Variants in IPO4 observed in about 807,000 individuals in gnomAD.
The protein encoded by IPO4 is importin-4.
Under a neutral mutation model 133.5 loss-of-function variants are expected in IPO4, and 91 were observed. The observed-to-expected ratio is 0.68, with a 90% CI of 0.58 to 0.81. The LOEUF (loss-of-function observed/expected upper bound fraction) is 0.81. Ranked by LOEUF, IPO4 falls within the 30% of genes least tolerant of loss-of-function variation. The pLI is 0.00. For missense variants in IPO4, 1,279 were observed against 1,386.2 expected, an observed-to-expected ratio of 0.92 and a Z score of 1.23; for synonymous variants, 607 against 581.6, an observed-to-expected ratio of 1.04 and a Z score of -0.63.
At position 24,183,161 on chromosome 14, in the gene IPO4, C is replaced by T. The variant is rs767332861; in HGVS notation, c.2236G>A (p.Ala746Thr). Residue 746 changes from alanine to threonine, a missense_variant, in exon 23 of 30, where the codon GCT (alanine) becomes ACT (threonine). Ala to Thr is a moderately conservative substitution (Grantham distance 58). Coordinates refer to ENST00000354464, the MANE Select transcript of IPO4 (RefSeq NM_024658.4). ...GATGGCACGACTCGGGCCAGGGCAG[C>T]CTGCAAAGCTGGGGACATTATTGGC... ...PSEPNTAALQ[A>T]ALARVVPSYM... 3.7e-6 allele frequency: 6 copies of T among 1,611,796 alleles called. No homozygotes were observed. The highest frequency in any genetic ancestry group is 5.1e-6 in the Non-Finnish European group (6 of 1,178,416).
rs199744643 is a variant in IPO4 at position 24,181,695 on chromosome 14, T to A, written c.2940+16A>T. The A allele has an allele frequency of 6.2e-7, 1 of 1,608,346 alleles. No individual in the cohort carries two copies. The highest frequency in any genetic ancestry group is 8.5e-7 in the Non-Finnish European group (1 of 1,176,388). On this transcript the variant is annotated intron_variant, in intron 27 of 29. Coordinates refer to ENST00000354464, the MANE Select transcript of IPO4 (RefSeq NM_024658.4). The stretch of plus-strand genomic sequence containing the variant: ...TCCTCAGCTTCCAAGCCCTGCCTGA[T>A]GTCTCCCTCCCTCACCTGGGGCTCT...
chr14:24,185,630 T>C, intron 12 of IPO4, 63 bp from the exon 13 acceptor site: 6 of 1,438,940 alleles, frequency 4.2e-6, no homozygotes, highest in South Asian at 1.2e-5. Flanking sequence ...TAGGCTGACC[T>C]GTTCTCTTCA....
In IPO4 at chr14:24,185,265, G is replaced by A. The variant is rs201837383; in HGVS notation, c.1326C>T (p.Ala442=). 3.3e-5 allele frequency: 53 copies of A among 1,614,176 alleles called. No individual in the cohort carries two copies. Among genetic ancestry groups the A allele is most frequent in the African/African-American group, 1.3e-4 (10 of 75,066 alleles). ...YSREVMPLLL[A]YLKSVPLGHT... The stretch of plus-strand genomic sequence containing the variant: ...GTCCAAGAGGCACCGACTTCAAGTA[G>A]GCGAGGAGCAGTGGCATTACCTCCC... The change falls in exon 14 of 30, where the codon GCC becomes GCT. Residue 442 remains alanine, a synonymous_variant. Transcript: ENST00000354464.
chr14:24,188,200 G>A lies in IPO4; in HGVS notation c.278+16C>T. 3 of 1,611,612 alleles carry A rather than the reference G, an allele frequency of 1.9e-6. No individual in the cohort carries two copies. The highest frequency in any genetic ancestry group is 2.5e-6 in the Non-Finnish European group (3 of 1,178,618). ...CAAAGTCGTCAAGATCCCGAGAGAAGTGGGTAGGTACTTACTCTGTTTCTC... is the reference window on the plus strand; with the variant it reads ...CAAAGTCGTCAAGATCCCGAGAGAAATGGGTAGGTACTTACTCTGTTTCTC... On this transcript the variant is annotated intron_variant, in intron 4 of 29. Coordinates refer to ENST00000354464, the MANE Select transcript of IPO4 (RefSeq NM_024658.4).
Position 24,185,929 on chromosome 14 carries a change from G to C in IPO4, c.1101C>G (p.Tyr367Ter), listed in dbSNP as rs1389277018. The change falls in exon 12 of 30, where the codon TAC becomes TAG. Residue 367 changes from tyrosine (Y) to a stop codon, truncating the protein, a stop_gained. Transcript: ENST00000354464. LOFTEE classifies it high-confidence loss of function. ...LEEALRSESPYQRKAGLLVLA... is the reference protein window; with the variant it reads ...LEEALRSESP ...GCACCAGGAGTCCAGCTTTGCGCTG[G>C]TATGGGCTCTCGCTCCGCAAAGCCT... 3 of 1,614,000 alleles carry C rather than the reference G, an allele frequency of 1.9e-6. No individual in the cohort carries two copies. The highest frequency in any genetic ancestry group is 2.7e-5 in the African/African-American group (2 of 74,932).
In IPO4 at chr14:24,184,280, G is replaced by A. The variant is rs2039185340; in HGVS notation, c.1757+18C>T. ...AGGGGAGGGGACAAGGGCAGAGGCAGGGTGAGGGGTCACTCACGTGCAGCG... is the reference window on the plus strand; with the variant it reads ...AGGGGAGGGGACAAGGGCAGAGGCAAGGTGAGGGGTCACTCACGTGCAGCG... On this transcript the variant is annotated intron_variant, in intron 17 of 29. Coordinates refer to ENST00000354464, the MANE Select transcript of IPO4 (RefSeq NM_024658.4). 6.3e-7 allele frequency: 1 copy of A among 1,578,416 alleles called. No individual in the cohort carries two copies. The highest frequency in any genetic ancestry group is 8.6e-7 in the Non-Finnish European group (1 of 1,162,098).
chr14:24,187,789 C>T lies in IPO4; in HGVS notation c.286G>A (p.Val96Met). 2 of 1,614,142 alleles carry T rather than the reference C, an allele frequency of 1.2e-6. No homozygotes were observed. The highest frequency in any genetic ancestry group is 2.2e-5 in the South Asian group (2 of 91,082). Residue 96 changes from valine (V) to methionine (M), a missense_variant, in exon 5 of 30, where the codon GTG (valine) becomes ATG (methionine). Physicochemically the swap from Val to Met is conservative, Grantham distance 21. Coordinates refer to ENST00000354464, the MANE Select transcript of IPO4 (RefSeq NM_024658.4). ...GAGAGCTGGGCCAGGCTGAGGCTCA[C>T]ACAGTGCCTGCAAACAGGAGAGATC... Reference protein sequence around the residue: ...TALQRETEHCVSLSLAQLSAT... With the variant: ...TALQRETEHCMSLSLAQLSAT...
chr14:24,180,472 C>T lies in IPO4; in HGVS notation c.3216G>A (p.Gln1072=), dbSNP rs1020317051. 6.2e-7 allele frequency: 1 copy of T among 1,613,432 alleles called. No individual in the cohort carries two copies. Among genetic ancestry groups the T allele is most frequent in the Middle Eastern group, 1.7e-4 (1 of 6,056 alleles). ...AGAGGCCCAGTACAGCCTGGAGCTC[C>T]TGAGCCTTGTCAACAGGCAGTGAGC... ...ALGSLPVDKA[Q]ELQAVLGLS Residue 1072 remains glutamine, a synonymous_variant, in exon 30 of 30, where the codon CAG becomes CAA. Transcript: ENST00000354464.
rs1330871906 is a variant in IPO4 at position 24,182,789 on chromosome 14, C to G, written c.2472+3G>C. 1 of 1,614,182 alleles carries G rather than the reference C, an allele frequency of 6.2e-7. No individual in the cohort carries two copies. The highest frequency in any genetic ancestry group is 1.7e-5 in the Admixed American group (1 of 60,030). ...GGTCCCCGTTTTTATCCCTGGCTCT[C>G]ACCTGATCATCATCTTCCTCTTCCT... On this transcript the variant is annotated splice_donor_region_variant and intron_variant, in intron 24 of 29. Coordinates refer to ENST00000354464, the MANE Select transcript of IPO4 (RefSeq NM_024658.4).
At position 24,184,870 on chromosome 14, in the gene IPO4, T is replaced by G. The variant is rs1295491725; in HGVS notation, c.1519A>C (p.Ile507Leu). 1 of 1,613,730 alleles carries G rather than the reference T, an allele frequency of 6.2e-7. No homozygotes were observed. Among genetic ancestry groups the G allele is most frequent in the African/African-American group, 1.3e-5 (1 of 75,040 alleles). ...TGCCTCCTGCCTCTCTCCTCACCAATGGCTCCCAGGGCGCTCACAGCCAGC... is the reference window on the plus strand; with the variant it reads ...TGCCTCCTGCCTCTCTCCTCACCAAGGGCTCCCAGGGCGCTCACAGCCAGC... ...KELAVSALGA[I>L]ATAAQASLLP... is the part of the protein sequence containing the mutation. The change falls in exon 15 of 30, where the codon ATT (isoleucine) becomes CTT (leucine). Residue 507 changes from isoleucine to leucine, a missense_variant. Ile to Leu is a conservative substitution (Grantham distance 5, BLOSUM62 2). Around this residue, in one of 3 missense-constraint regions of IPO4, gnomAD observed 695 missense variants for 704.1 expected, o/e 0.99. Coordinates refer to ENST00000354464, the MANE Select transcript of IPO4 (RefSeq NM_024658.4).
intron 4 of IPO4, 73 bp downstream of exon 4, chr14:24,188,143 C>G: frequency 6.7e-7 from 1 of 1,491,888 alleles, no homozygotes; most frequent in Non-Finnish European, 9.2e-7. Context: ...CAAGTCCCAG[C>G]CTGGAGCCGA....
rs745749457 is a variant in IPO4 at position 24,185,554 on chromosome 14, G to T, written c.1183C>A (p.Leu395Met). 4.3e-6 allele frequency: 7 copies of T among 1,613,928 alleles called. No individual in the cohort carries two copies. The Admixed American group carries it at 1.0e-4, about 23-fold the overall frequency. ...AGGCCCTTGCACACAATCTGCAGCA[G>T]TGGGGGCAGCAGTCTGGATGGGGCA... ...DHIRQRLLPP[L>M]LQIVCKGLED... The change falls in exon 13 of 30, where the codon CTG becomes ATG. Residue 395 changes from leucine (L) to methionine (M), a missense_variant. Leu to Met is a conservative substitution (Grantham distance 15). Transcript: ENST00000354464.
chr14:24,185,665 TTCC>T, intron 12 of IPO4, 98 bp from the exon 13 acceptor site: 1 of 1,199,700 alleles, frequency 8.3e-7, no homozygotes, highest in Non-Finnish European at 1.2e-6. Context: ...ACCAAGGCTT[TTCC>T]TGTCACCAGA....
intron 23 of IPO4, 28 bp from the exon 24 acceptor site, chr14:24,182,870 G>A (rs1395417062): frequency 6.2e-7 from 1 of 1,610,842 alleles, no homozygotes. Context: ...ACTTAGCGGA[G>A]CTTTCACGCC....
Position 24,185,189 on chromosome 14 carries a change from T to C in IPO4, c.1402A>G (p.Asn468Asp). The change falls in exon 14 of 30, where the codon AAC becomes GAC. Residue 468 changes from asparagine (N) to aspartate (D), a missense_variant. By Grantham distance (23) the Asn-to-Asp change is conservative (BLOSUM62 1). Coordinates refer to ENST00000354464, the MANE Select transcript of IPO4 (RefSeq NM_024658.4). ...ACYALENFVE[N>D]LGPKVQPYLP... Reference sequence around the variant, plus strand: ...TCCCCACTGCCATCACTACCTAGGTTCTCCACAAAATTCTCCAGGGCATAG... The same window carrying C: ...TCCCCACTGCCATCACTACCTAGGTCCTCCACAAAATTCTCCAGGGCATAG... 1 of 1,613,870 alleles carries C rather than the reference T, an allele frequency of 6.2e-7. No homozygotes were observed. Among genetic ancestry groups the C allele is most frequent in the Non-Finnish European group, 8.5e-7 (1 of 1,179,942 alleles).
chr14:24,186,040 C>T, intron 11 of IPO4, 70 bp from the exon 12 acceptor site: 1 of 1,596,252 alleles, frequency 6.3e-7, no homozygotes, highest in Non-Finnish European at 8.6e-7. Context: ...AATAGGCCTT[C>T]ACACCTCCCA....
At position 24,180,276 on chromosome 14, in the gene IPO4, G is replaced by A. The variant is rs749801587; in HGVS notation, c.*166C>T. The stretch of plus-strand genomic sequence containing the variant: ...TACAGTATGATGTCATGACTCATTT[G>A]TAACAGATCCAGCCTCAGGGACAGC... On this transcript the variant is annotated 3_prime_UTR_variant, in exon 30 of 30. Coordinates refer to ENST00000354464, the MANE Select transcript of IPO4 (RefSeq NM_024658.4). The A allele has an allele frequency of 5.9e-6, 9 of 1,532,710 alleles. No individual in the cohort carries two copies. The East Asian group carries it at 1.9e-4, about 33-fold the overall frequency. 94.9% of individuals were successfully genotyped at this position (1,532,710 alleles called of 1,614,324 possible). A position where few individuals can be genotyped will look rare whatever the true frequency, so the allele number is the denominator to read the frequency against.
chr14:24,185,521 G>T lies in IPO4; in HGVS notation c.1216C>A (p.Pro406Thr), dbSNP rs747277431. ...GCAGCATTGCGTACAACTTGCGAGGGGTCCTCCAGGCCCTTGCACACAATC... is the reference window on the plus strand; with the variant it reads ...GCAGCATTGCGTACAACTTGCGAGGTGTCCTCCAGGCCCTTGCACACAATC... ...LQIVCKGLED[P>T]SQVVRNAALF... Residue 406 changes from proline (P) to threonine (T), a missense_variant, in exon 13 of 30, where the codon CCC becomes ACC. Physicochemically the swap from Pro to Thr is conservative, Grantham distance 38. Transcript: ENST00000354464. 3 of 1,614,168 alleles carry T rather than the reference G, an allele frequency of 1.9e-6. No homozygotes were observed. The South Asian group carries it at 3.3e-5, about 18-fold the overall frequency.
In IPO4 at chr14:24,185,303, T is replaced by G; in HGVS notation, c.1288A>C (p.Ser430Arg). ...GGCATTACCTCCCTTGAATAGCTGCTGATATGGGGCTGGGGGAGGGAGCAA... is the reference window on the plus strand; with the variant it reads ...GGCATTACCTCCCTTGAATAGCTGCGGATATGGGGCTGGGGGAGGGAGCAA... ...QFSENLQPHI[S>R]SYSREVMPLL... Residue 430 changes from serine to arginine, a missense_variant, in exon 14 of 30, where the codon AGC becomes CGC. Ser to Arg is a moderately radical substitution (Grantham distance 110, BLOSUM62 -1). Transcript: ENST00000354464. 6.2e-7 allele frequency: 1 copy of G among 1,614,040 alleles called. No homozygotes were observed.
Sources: allele counts gnomAD v4.1 joint callset, GRCh38; gene constraint gnomAD v4.1.1; regional missense constraint gnomAD v4.1.1; transcripts MANE v1.5; gene names NCBI Gene and HGNC (gene_info 2026-07-23, HGNC 2026-07-21).